The following CNTNAP4 variants were observed in gnomAD, a reference collection of about 807,000 sequenced individuals.
CNTNAP4 encodes contactin-associated protein-like 4.
CNTNAP4 carries 98 observed loss-of-function variants against 148.4 expected under a neutral mutation model. The ratio of observed to expected loss-of-function variants is 0.66; its 90% CI spans 0.56 to 0.78. CNTNAP4 has a LOEUF of 0.78. Among genes scored for constraint, CNTNAP4 ranks in the 30% least tolerant of loss-of-function variants. The pLI, the probability that CNTNAP4 is intolerant of heterozygous loss-of-function variation, is 0.00. For synonymous variants in CNTNAP4, 730 were observed against 565.1 expected (o/e 1.29, Z -4.14); for missense variants, 1,935 against 1,565.6 (o/e 1.24, Z -3.98).
intron 15 of CNTNAP4, among the ~76,000 whole-genome samples, chr16:76,511,433 C>A (rs999582693): frequency 6.6e-6 from 1 of 152,084 alleles, no homozygotes; most frequent in African/African-American, 2.4e-5. Context: ...AAGTGAGACT[C>A]TTCAACTGGA....
chr16:76,315,930 T>G (rs993397030), intron 1 of CNTNAP4, among the ~76,000 whole-genome samples: 4 of 152,186 alleles, frequency 2.6e-5, no homozygotes, highest in African/African-American at 9.6e-5. Context: ...GTGTTATTTT[T>G]GTTAATGTGT....
intron 3 of CNTNAP4, among the ~76,000 whole-genome samples, chr16:76,408,788 A>G (rs753461981): frequency 7.2e-5 from 11 of 152,002 alleles, no homozygotes; most frequent in Non-Finnish European, 7.4e-5. Flanking sequence ...CCTCAATATG[A>G]TACAAAAGAG....
At chr16:76,486,163 T>A (rs1568364382) in intron 12 of CNTNAP4, among the ~76,000 whole-genome samples, 2 of 152,154 alleles carry the variant, frequency 1.3e-5, no homozygotes, top group Non-Finnish European at 2.9e-5. Context: ...TCAATGGAGA[T>A]TTTCTGCCTA....
At chr16:76,322,895 C>T (rs929801048) in intron 2 of CNTNAP4, among the ~76,000 whole-genome samples, 34 of 151,520 alleles carry the variant, frequency 2.2e-4, no homozygotes, top group African/African-American at 8.2e-4. Flanking sequence ...AGTGCAGTGG[C>T]ACAATCCCAG....
chr16:76,331,617 T>G (rs2144253501), intron 2 of CNTNAP4, among the ~76,000 whole-genome samples: 1 of 152,302 alleles, frequency 6.6e-6, no homozygotes, highest in African/African-American at 2.4e-5. Flanking sequence ...AAACCTCTAC[T>G]TTTGTATCGC....
At chr16:76,411,080 A>G (rs1388622352) in intron 3 of CNTNAP4, among the ~76,000 whole-genome samples, 1 of 151,524 alleles carries the variant, frequency 6.6e-6, no homozygotes, top group African/African-American at 2.4e-5. Flanking sequence ...ATTAAATAAT[A>G]TATGGCTTCA....
intron 21 of CNTNAP4, 108 bp downstream of exon 21, chr16:76,540,898 C>G (rs536979634): frequency 5.7e-6 from 4 of 707,690 alleles, no homozygotes; most frequent in African/African-American, 1.8e-5. Flanking sequence ...AAAGGAAATC[C>G]CTTGCCTATT....
chr16:76,341,370 G>A (rs556318348), intron 2 of CNTNAP4, among the ~76,000 whole-genome samples: 1 of 152,216 alleles, frequency 6.6e-6, no homozygotes, highest in Non-Finnish European at 1.5e-5. Context: ...GATAAACAGT[G>A]AAATTATTTT....
At chr16:76,348,812 G>T (rs1200254401) in intron 2 of CNTNAP4, among the ~76,000 whole-genome samples, 1 of 150,156 alleles carries the variant, frequency 6.7e-6, no homozygotes, top group Non-Finnish European at 1.5e-5. Flanking sequence ...ATTGGAGAGT[G>T]ATGTGGACCT....
chr16:76,422,704 C>CTA (rs2079232020), intron 3 of CNTNAP4, among the ~76,000 whole-genome samples: 1 of 150,688 alleles, frequency 6.6e-6, no homozygotes, highest in African/African-American at 2.5e-5. Flanking sequence ...CACATAACCT[C>CTA]TATAATTTTC....
intron 13 of CNTNAP4, among the ~76,000 whole-genome samples, chr16:76,491,851 CCAT>C (rs1247314297): frequency 6.2e-5 from 5 of 80,796 alleles, no homozygotes; most frequent in Middle Eastern, 7.7e-3. Context: ...GAATGATATC[CCAT>C]TGTGTGTGTG....
At chr16:76,535,257 C>A (rs959449105) in intron 17 of CNTNAP4, among the ~76,000 whole-genome samples, 6 of 152,078 alleles carry the variant, frequency 3.9e-5, no homozygotes, top group Non-Finnish European at 8.8e-5. Context: ...CGATACATGT[C>A]ACTGTTATTT....
chr16:76,408,182 G>A (rs1287255034), intron 3 of CNTNAP4, among the ~76,000 whole-genome samples: 1 of 152,058 alleles, frequency 6.6e-6, no homozygotes, highest in Non-Finnish European at 1.5e-5. Context: ...AAAACTTGAT[G>A]TGATGAAATT....
At chr16:76,385,948 A>G (rs1455324834) in intron 3 of CNTNAP4, among the ~76,000 whole-genome samples, 1 of 152,130 alleles carries the variant, frequency 6.6e-6, no homozygotes, top group Non-Finnish European at 1.5e-5. Flanking sequence ...GGAAATCACC[A>G]AAAAATGCAC....
chr16:76,324,326 A>G (rs1962744402), intron 2 of CNTNAP4, among the ~76,000 whole-genome samples: 3 of 152,226 alleles, frequency 2.0e-5, no homozygotes, highest in Admixed American at 1.3e-4. Flanking sequence ...TATCCATCTG[A>G]TATTTTCAGT....
intron 9 of CNTNAP4, among the ~76,000 whole-genome samples, chr16:76,465,249 C>T (rs1315264023): frequency 2.0e-5 from 3 of 152,180 alleles, no homozygotes; most frequent in Non-Finnish European, 2.9e-5. Context: ...TTAGGACTTT[C>T]ATCTCAAATT....
intron 8 of CNTNAP4, among the ~76,000 whole-genome samples, chr16:76,455,886 A>T (rs2080711035): frequency 6.6e-6 from 1 of 152,170 alleles, no homozygotes; most frequent in Admixed American, 6.5e-5. Flanking sequence ...CATGTTTCTG[A>T]TGCAATTTAG....
intron 3 of CNTNAP4, among the ~76,000 whole-genome samples, chr16:76,357,945 A>G (rs1419568823): frequency 6.6e-6 from 1 of 152,178 alleles, no homozygotes; most frequent in East Asian, 1.9e-4. Context: ...AAATAGGTGA[A>G]AGGACCAATA....
At chr16:76,361,148 AAACTT>A (rs1180979069) in intron 3 of CNTNAP4, among the ~76,000 whole-genome samples, 3 of 152,106 alleles carry the variant, frequency 2.0e-5, no homozygotes, top group African/African-American at 7.2e-5. Context: ...TGTTAAAAAA[AAACTT>A]AACATGAAAT....
Sources: allele counts gnomAD v4.1 joint callset (sites outside exome capture counted in the v4.1 genomes callset), GRCh38; gene constraint gnomAD v4.1.1; transcripts MANE v1.5; gene names NCBI Gene and HGNC (gene_info 2026-07-23, HGNC 2026-07-21).